The following PCDH15 variants were observed in gnomAD, a reference collection of about 807,000 sequenced individuals.
The protein encoded by PCDH15 is protocadherin related 15.
A neutral mutation model predicts 178.5 loss-of-function variants in PCDH15; 129 were observed. That is an observed-to-expected ratio of 0.72 (90% CI 0.63 to 0.84). PCDH15 has a LOEUF of 0.84. Among genes scored for constraint, PCDH15 ranks in the 40% least tolerant of loss-of-function variants. PCDH15 has a pLI of 0.00. For synonymous variants in PCDH15, 800 were observed against 732.0 expected (o/e 1.09, Z -1.50); for missense variants, 2,230 against 2,099.9 (o/e 1.06, Z -1.21).
At chr10:55,294,634 T>C (rs1003888241) in intron 1 of PCDH15, among the ~76,000 whole-genome samples, 2 of 152,330 alleles carry the variant, frequency 1.3e-5, no homozygotes. Context: ...TTCATATTAA[T>C]CTGTAACCAA....
At chr10:55,323,363 AC>A (rs1284548640), upstream of PCDH15, among the ~76,000 whole-genome samples, 1 of 152,120 alleles carries the variant, frequency 6.6e-6, no homozygotes, top group Non-Finnish European at 1.5e-5. Context: ...TGTCCTCCAA[AC>A]CCCAGAATGG....
chr10:55,156,959 C>T (rs1182114787), intron 2 of PCDH15, among the ~76,000 whole-genome samples: 6 of 152,006 alleles, frequency 3.9e-5, no homozygotes, highest in African/African-American at 1.2e-4. Flanking sequence ...ACAGTAATAT[C>T]GCTAAACTCT....
At chr10:53,972,015 C>A (rs1055258681) in intron 21 of PCDH15, among the ~76,000 whole-genome samples, 1 of 152,116 alleles carries the variant, frequency 6.6e-6, no homozygotes, top group Non-Finnish European at 1.5e-5. Context: ...CTGGAGGTAT[C>A]ACGCTACCTG....
intron 2 of PCDH15, among the ~76,000 whole-genome samples, chr10:55,352,221 T>G (rs1366755744): frequency 6.6e-6 from 1 of 152,150 alleles, no homozygotes; most frequent in Non-Finnish European, 1.5e-5. Flanking sequence ...TGTTTATCAC[T>G]TTTTTTGCTA....
At chr10:54,984,801 C>A (rs1180849408) in intron 2 of PCDH15, among the ~76,000 whole-genome samples, 1 of 152,170 alleles carries the variant, frequency 6.6e-6, no homozygotes, top group African/African-American at 2.4e-5. Context: ...CATATCACTG[C>A]AGTCCAGCCT....
Position 53,808,808 on chromosome 10 carries a change from C to T in PCDH15, c.4672-1678G>A, listed in dbSNP as rs543675977. 16 of 1,611,664 alleles carry T rather than the reference C, an allele frequency of 9.9e-6. No homozygotes were observed. The highest frequency in any genetic ancestry group is 8.9e-5 in the East Asian group (4 of 44,832). ...CCCCATGGACCTCCAGACTGACTTTCGCTACTACTGCTACTACTACCTGAT... is the reference window on the plus strand; with the variant it reads ...CCCCATGGACCTCCAGACTGACTTTTGCTACTACTGCTACTACTACCTGAT... On this transcript the variant is annotated intron_variant, in intron 37 of 37. Transcript: ENST00000644397.
At chr10:55,294,333 G>T (rs1843082997) in intron 1 of PCDH15, among the ~76,000 whole-genome samples, 1 of 152,130 alleles carries the variant, frequency 6.6e-6, no homozygotes, top group Non-Finnish European at 1.5e-5. Flanking sequence ...TAATGCTCTG[G>T]ATTGCTCACG....
chr10:54,370,689 C>T (rs1020312491), intron 4 of PCDH15, among the ~76,000 whole-genome samples: 1 of 151,736 alleles, frequency 6.6e-6, no homozygotes, highest in Non-Finnish European at 1.5e-5. Context: ...CTATACTAGG[C>T]ATATGTTAAA....
intron 2 of PCDH15, among the ~76,000 whole-genome samples, chr10:54,558,530 C>A (rs1216716119): frequency 6.6e-6 from 1 of 152,062 alleles, no homozygotes. Context: ...ACAATCCCCA[C>A]ACACGTTAAG....
At chr10:54,441,965 A>G (rs2075816450) in intron 3 of PCDH15, among the ~76,000 whole-genome samples, 1 of 151,826 alleles carries the variant, frequency 6.6e-6, no homozygotes, top group African/African-American at 2.4e-5. Context: ...TCCCACCATC[A>G]AGGGAATTAA....
chr10:55,073,133 G>A lies in PCDH15; in HGVS notation c.-80+93443C>T, dbSNP rs1461837854. Among the ~76,000 whole-genome samples, 3 of 152,108 alleles carry A rather than the reference G, an allele frequency of 2.0e-5. No individual in the cohort carries two copies. The East Asian group carries it at 5.8e-4, about 29-fold the overall frequency. ...AAGAGCTATCTATGACAAACTCACA[G>A]CCAATATCATACTGAATGGGCAAAA... is the stretch of plus-strand genomic sequence containing the variant. On this transcript the variant is annotated intron_variant, in intron 2 of 5. Transcript: ENST00000458638.
intron 2 of PCDH15, among the ~76,000 whole-genome samples, chr10:54,571,789 A>G (rs2089878383): frequency 6.6e-6 from 1 of 152,150 alleles, no homozygotes; most frequent in South Asian, 2.1e-4. Context: ...AGCAGCTTAA[A>G]AAAAGCTTTT....
At chr10:53,824,528 G>A (rs897997564) in intron 32 of PCDH15, among the ~76,000 whole-genome samples, 7 of 152,054 alleles carry the variant, frequency 4.6e-5, no homozygotes, top group Non-Finnish European at 8.8e-5. Flanking sequence ...GCAAAGATAC[G>A]AACTATAAGA....
At chr10:55,494,327 C>G (rs970093671) in intron 2 of PCDH15, among the ~76,000 whole-genome samples, 1 of 151,508 alleles carries the variant, frequency 6.6e-6, no homozygotes, top group Non-Finnish European at 1.5e-5. Context: ...TTATATTTTT[C>G]ATTCCTTTAA....
intron 2 of PCDH15, among the ~76,000 whole-genome samples, chr10:54,540,900 C>T (rs570178985): frequency 2.0e-5 from 3 of 152,040 alleles, no homozygotes; most frequent in African/African-American, 4.8e-5. Context: ...AAAATTAAAA[C>T]CAAAAACTAT....
intron 3 of PCDH15, among the ~76,000 whole-genome samples, chr10:54,383,913 G>C (rs1015542274): frequency 5.9e-5 from 9 of 151,834 alleles, no homozygotes; most frequent in African/African-American, 2.2e-4. Flanking sequence ...CTGTTTCCTG[G>C]GCTCAAGCGA....
chr10:54,528,775 A>G (rs1344433497), intron 2 of PCDH15, among the ~76,000 whole-genome samples: 1 of 152,064 alleles, frequency 6.6e-6, no homozygotes, highest in African/African-American at 2.4e-5. Flanking sequence ...GTCAATCAGT[A>G]GTGATGATTA....
Position 54,202,358 on chromosome 10 carries a change from G to C in PCDH15, c.1099-6469C>G, listed in dbSNP as rs566497121. ...AGAGGGAGGGAGGAAGAAAAAGAGGGAATAAAGGATGGATAGAGGGAGTGG... is the reference window on the plus strand; with the variant it reads ...AGAGGGAGGGAGGAAGAAAAAGAGGCAATAAAGGATGGATAGAGGGAGTGG... On this transcript the variant is annotated intron_variant, in intron 10 of 37. Transcript: ENST00000644397. Among the ~76,000 whole-genome samples, 449 of 152,122 alleles carry C rather than the reference G, an allele frequency of 3.0e-3. 5 individuals are homozygous for C. The highest frequency in any genetic ancestry group is 0.026 in the South Asian group (127 of 4,812).
chr10:55,375,492 T>A (rs1214135275), intron 2 of PCDH15, among the ~76,000 whole-genome samples: 2 of 152,118 alleles, frequency 1.3e-5, no homozygotes, highest in Admixed American at 1.3e-4. Flanking sequence ...CATCACAATT[T>A]CTGTATCAGA....
Sources: allele counts gnomAD v4.1 joint callset (sites outside exome capture counted in the v4.1 genomes callset), GRCh38; gene constraint gnomAD v4.1.1; transcripts MANE v1.5; gene names NCBI Gene and HGNC (gene_info 2026-07-23, HGNC 2026-07-21).